Variants in TPO observed in about 807,000 individuals in gnomAD.
TPO encodes the protein thyroid microsomal antigen.
Under a neutral mutation model 96.9 loss-of-function variants are expected in TPO, and 78 were observed. That is an observed-to-expected ratio of 0.81 (90% confidence interval 0.67 to 0.97). TPO has a LOEUF of 0.97. Ranked by LOEUF, TPO falls within the 50% of genes least tolerant of loss-of-function variation. The probability of loss-of-function intolerance (pLI) is 0.00; values close to 1 mark genes in which losing one functional copy is unlikely to be tolerated. For missense variants in TPO, 1,252 were observed against 1,274.8 expected, an observed-to-expected ratio of 0.98 and a Z score of 0.27; for synonymous variants, 547 against 538.0, an observed-to-expected ratio of 1.02 and a Z score of -0.23.
intron 7 of TPO, among the ~76,000 whole-genome samples, chr2:1,462,911 T>C (rs1328987100): frequency 6.6e-6 from 1 of 152,250 alleles, no homozygotes; most frequent in African/African-American, 2.4e-5. Context: ...AATCATGTTA[T>C]ACAGTGATAT....
chr2:1,437,464 G>A (rs1399215824), intron 5 of TPO, among the ~76,000 whole-genome samples: 1 of 151,980 alleles, frequency 6.6e-6, no homozygotes, highest in East Asian at 1.9e-4. Context: ...CCGAGAGAGG[G>A]ATCAGCGGGA....
At chr2:1,492,013 G>A (rs865807217) in intron 10 of TPO, among the ~76,000 whole-genome samples, 8 of 152,162 alleles carry the variant, frequency 5.3e-5, no homozygotes, top group Non-Finnish European at 1.0e-4. Flanking sequence ...CCAGGGCTAC[G>A]GGGCCAGCCA....
rs146318222 is a variant in TPO at position 1,543,266 on chromosome 2, G to T, written c.*792G>T. ...AAGCAGCTGAATTCCAGAGTGCTGG[G>T]TCCCAGCCCAGGCAGCCCTCAGCCT... On this transcript the variant is annotated 3_prime_UTR_variant, in exon 17 of 17. Transcript: ENST00000329066. 1.9e-3 allele frequency: 288 copies of T among 152,508 alleles called. 1 individual carries two copies. The highest frequency in any genetic ancestry group is 0.01 in the Middle Eastern group (3 of 294). The allele number at this position is 152,508 out of a possible 1,614,324, so 9.4% of individuals were successfully genotyped here. A position where few individuals can be genotyped will look rare whatever the true frequency, so the allele number is the denominator to read the frequency against.
intron 1 of TPO, among the ~76,000 whole-genome samples, chr2:1,393,278 A>T (rs1041460048): frequency 6.6e-6 from 1 of 152,322 alleles, no homozygotes; most frequent in Non-Finnish European, 1.5e-5. Context: ...CTCATTCACT[A>T]TGAGGAGGAT....
chr2:1,452,291 AT>A, intron 5 of TPO, among the ~76,000 whole-genome samples: 1 of 152,224 alleles, frequency 6.6e-6, no homozygotes, highest in Admixed American at 6.5e-5. Flanking sequence ...TAGTTTATTG[AT>A]GAGATGGGTG....
chr2:1,440,007 C>T (rs1471825205), intron 5 of TPO, among the ~76,000 whole-genome samples: 1 of 152,204 alleles, frequency 6.6e-6, no homozygotes, highest in Non-Finnish European at 1.5e-5. Context: ...TAAGCCGCTT[C>T]GGCGTCCCTC....
intron 12 of TPO, 21 bp downstream of exon 12, chr2:1,496,218 A>G (rs765793772): frequency 1.2e-6 from 2 of 1,610,068 alleles, no homozygotes; most frequent in Admixed American, 1.7e-5. Flanking sequence ...GTCTCCTCTC[A>G]CACCACGTTA....
At chr2:1,429,607 G>T (rs1239151159) in intron 3 of TPO, among the ~76,000 whole-genome samples, 1 of 152,142 alleles carries the variant, frequency 6.6e-6, no homozygotes, top group Non-Finnish European at 1.5e-5. Flanking sequence ...CCAAAACGCT[G>T]GTAGAAATAA....
upstream of TPO, among the ~76,000 whole-genome samples, chr2:1,410,055 G>A (rs1218683142): frequency 1.3e-5 from 2 of 152,070 alleles, no homozygotes; most frequent in African/African-American, 4.8e-5. Context: ...GGATAAAAAT[G>A]TTCTGGGATC....
intron 1 of TPO, among the ~76,000 whole-genome samples, chr2:1,402,562 G>A (rs1203093664): frequency 1.2e-4 from 19 of 152,142 alleles, no homozygotes; most frequent in Admixed American, 1.2e-3. Context: ...AGGGTTAATG[G>A]GCTCACAATT....
chr2:1,405,421 C>T (rs940601496), intron 1 of TPO, among the ~76,000 whole-genome samples: 5 of 151,916 alleles, frequency 3.3e-5, no homozygotes, highest in Non-Finnish European at 7.4e-5. Flanking sequence ...CCCACCCATC[C>T]ATCCATTCTT....
intron 5 of TPO, among the ~76,000 whole-genome samples, chr2:1,439,779 C>T (rs1384760284): frequency 6.6e-6 from 1 of 152,126 alleles, no homozygotes. Flanking sequence ...GTGAGTTCCT[C>T]GCCATCCTCC....
intron 1 of TPO, among the ~76,000 whole-genome samples, chr2:1,390,435 G>A (rs907253374): frequency 6.6e-6 from 1 of 152,144 alleles, no homozygotes; most frequent in African/African-American, 2.4e-5. Flanking sequence ...ATCATTGATG[G>A]ACATTCGGGT....
At chr2:1,479,967 A>C (rs1027147751) in intron 8 of TPO, among the ~76,000 whole-genome samples, 1 of 152,172 alleles carries the variant, frequency 6.6e-6, no homozygotes, top group Non-Finnish European at 1.5e-5. Context: ...TTTTTAATAG[A>C]CATGGGGTTT....
Position 1,541,155 on chromosome 2 carries a change from G to A in TPO, c.2748+432G>A. Reference sequence around the variant, plus strand: ...ACCTTGTATGCAGAACCCCAAGGGAGGCCATATCAAAAACTCACTTGTGTA... The same window carrying A: ...ACCTTGTATGCAGAACCCCAAGGGAAGCCATATCAAAAACTCACTTGTGTA... On this transcript the variant is annotated intron_variant, in intron 16 of 16. Coordinates refer to ENST00000329066, the MANE Select transcript of TPO (RefSeq NM_001206744.2). The A allele has an allele frequency of 3.4e-6, 4 of 1,175,622 alleles. No individual in the cohort carries two copies. The South Asian group carries it at 6.7e-5, about 20-fold the overall frequency. 72.8% of individuals were successfully genotyped at this position (1,175,622 alleles called of 1,614,324 possible).
intron 15 of TPO, among the ~76,000 whole-genome samples, chr2:1,523,232 C>A: frequency 1.4e-5 from 1 of 71,366 alleles, no homozygotes; most frequent in East Asian, 4.8e-4. Flanking sequence ...TTTGAGCAAC[C>A]TCCCCAAATC....
chr2:1,427,580 C>T (rs1664545236), intron 3 of TPO, among the ~76,000 whole-genome samples: 1 of 152,202 alleles, frequency 6.6e-6, no homozygotes, highest in Non-Finnish European at 1.5e-5. Flanking sequence ...AGATCTGCTC[C>T]CTCCACCTGC....
intron 10 of TPO, among the ~76,000 whole-genome samples, chr2:1,492,428 T>G (rs1671863100): frequency 6.6e-6 from 1 of 152,220 alleles, no homozygotes; most frequent in Non-Finnish European, 1.5e-5. Context: ...GTGCTGGGAT[T>G]ACAGGCATGA....
At chr2:1,500,831 G>T (rs990881408) in intron 13 of TPO, among the ~76,000 whole-genome samples, 1 of 152,070 alleles carries the variant, frequency 6.6e-6, no homozygotes, top group Non-Finnish European at 1.5e-5. Context: ...AATTAGCCGG[G>T]CATGGTGGTA....
Sources: gnomAD v4.1 joint callset for allele counts (sites outside exome capture counted in the v4.1 genomes callset) on GRCh38, gnomAD v4.1.1 for gene constraint, MANE v1.5 for transcripts, NCBI Gene and HGNC (gene_info 2026-07-23, HGNC 2026-07-21) for gene names.